The following FSHR variants were observed in gnomAD, a reference collection of about 807,000 sequenced individuals.
FSHR encodes follicle-stimulating hormone receptor.
Under a neutral mutation model 52.1 loss-of-function variants are expected in FSHR, and 46 were observed. That is an observed-to-expected ratio of 0.88 (90% CI 0.70 to 1.13). The LOEUF (loss-of-function observed/expected upper bound fraction) is 1.13, where lower values mean the gene tolerates loss of function less well. FSHR is among the 50% of genes most tolerant of loss of function. FSHR has a pLI of 0.00. For missense variants in FSHR, 964 were observed against 834.6 expected, an observed-to-expected ratio of 1.16 and a Z score of -1.91; for synonymous variants, 399 against 309.6, an observed-to-expected ratio of 1.29 and a Z score of -3.03.
intron 1 of FSHR, among the ~76,000 whole-genome samples, chr2:49,132,562 A>G (rs1672320292): frequency 1.3e-5 from 2 of 152,176 alleles, no homozygotes; most frequent in Admixed American, 6.5e-5. Flanking sequence ...TATTTAGGAC[A>G]TGCATACTGA....
chr2:49,117,242 C>A (rs116863148), intron 1 of FSHR, among the ~76,000 whole-genome samples: 1 of 152,194 alleles, frequency 6.6e-6, no homozygotes, highest in African/African-American at 2.4e-5. Context: ...GACTTCTCAG[C>A]TGCACTTTCC....
rs986073751 is a variant in FSHR at position 49,121,303 on chromosome 2, T to G, written c.152+32963A>C. Among the ~76,000 whole-genome samples, 4 of 152,356 alleles carry G rather than the reference T, an allele frequency of 2.6e-5. No homozygotes were observed. The South Asian group carries it at 6.2e-4, about 24-fold the overall frequency. ...GCAAGTCATTTAACCTCCCTGACCT[T>G]CAGTGTTCTCTTCAGTACAAAATAA... On this transcript the variant is annotated intron_variant, in intron 1 of 9. Coordinates refer to ENST00000406846, the MANE Select transcript of FSHR (RefSeq NM_000145.4).
chr2:48,982,853 T>C (rs1675313992), intron 8 of FSHR, 59 bp downstream of exon 8: 1 of 1,417,634 alleles, frequency 7.1e-7, no homozygotes, highest in African/African-American at 1.4e-5. Context: ...CTGCAGAGAG[T>C]TGACTTCTAA....
chr2:48,963,069 G>A lies in FSHR; in HGVS notation c.1752C>T (p.Cys584=), dbSNP rs768038206. 28 of 1,613,950 alleles carry A rather than the reference G, an allele frequency of 1.7e-5. 1 individual carries two copies. In the Admixed American group the frequency reaches 4.5e-4, roughly 26 times the overall value. The change falls in exon 10 of 10, where the codon TGC becomes TGT. Residue 584 remains cysteine (C), a synonymous_variant. Coordinates refer to ENST00000406846, the MANE Select transcript of FSHR (RefSeq NM_000145.4). ...TGGCAAAGAAAGAAATGGGTGCCAT[G>A]CAGAGGAAGTCAGTGAAGATGAGCA... ...MAMLIFTDFL[C]MAPISFFAIS... is the part of the protein sequence containing the mutation.
intron 4 of FSHR, among the ~76,000 whole-genome samples, chr2:49,012,135 G>T (rs1038300587): frequency 5.9e-5 from 9 of 152,084 alleles, no homozygotes; most frequent in Admixed American, 2.6e-4. Flanking sequence ...TGTGTGAAAG[G>T]TTTGCTAAAA....
intron 2 of FSHR, among the ~76,000 whole-genome samples, chr2:49,066,452 C>T (rs959064858): frequency 4.6e-5 from 7 of 152,038 alleles, no homozygotes; most frequent in African/African-American, 1.7e-4. Context: ...AGCACGGAGA[C>T]TGAGGAATAC....
intron 2 of FSHR, among the ~76,000 whole-genome samples, chr2:49,035,786 A>G (rs1668250423): frequency 6.6e-6 from 1 of 152,190 alleles, no homozygotes; most frequent in East Asian, 1.9e-4. Context: ...ACAGCTTTGC[A>G]TTTAATAAAG....
At chr2:49,084,920 G>T (rs954657760) in intron 1 of FSHR, among the ~76,000 whole-genome samples, 6 of 152,060 alleles carry the variant, frequency 3.9e-5, no homozygotes, top group African/African-American at 1.2e-4. Flanking sequence ...AGAGGTACAA[G>T]GAGGAACTGG....
Position 49,068,255 on chromosome 2 carries a change from T to C in FSHR, c.188A>G (p.Lys63Arg). The change falls in exon 2 of 10, where the codon AAA becomes AGA. Residue 63 changes from lysine to arginine, a missense_variant. By Grantham distance (26) the Lys-to-Arg change is conservative. Transcript: ENST00000406846. ...FVLTKLRVIQ[K>R]GAFSGFGDLE... The stretch of plus-strand genomic sequence containing the variant: ...GTCCCCAAATCCTGAAAATGCACCT[T>C]TTTGGATGACTCGAAGCTTGGTGAG... 4 of 1,611,436 alleles carry C rather than the reference T, an allele frequency of 2.5e-6. No individual in the cohort carries two copies. Among genetic ancestry groups the C allele is most frequent in the Non-Finnish European group, 2.5e-6 (3 of 1,178,652 alleles).
At chr2:49,007,111 C>T (rs1573082642) in intron 4 of FSHR, among the ~76,000 whole-genome samples, 1 of 152,064 alleles carries the variant, frequency 6.6e-6, no homozygotes, top group African/African-American at 2.4e-5. Context: ...AAATGGGGAG[C>T]CACCAGGCCT....
intron 1 of FSHR, among the ~76,000 whole-genome samples, chr2:49,114,755 G>A (rs1421513952): frequency 6.6e-6 from 1 of 152,064 alleles, no homozygotes; most frequent in Non-Finnish European, 1.5e-5. Flanking sequence ...CTCTGCCTTA[G>A]GGAAACTGAG....
In FSHR at chr2:49,112,817, G is replaced by T. The variant is rs139350449; in HGVS notation, c.152+41449C>A. Among the ~76,000 whole-genome samples the T allele has an allele frequency of 2.2e-3, 330 of 152,230 alleles. 1 individual carries two copies. The highest frequency in any genetic ancestry group is 7.4e-3 in the African/African-American group (309 of 41,550). On this transcript the variant is annotated intron_variant, in intron 1 of 9. Coordinates refer to ENST00000406846, the MANE Select transcript of FSHR (RefSeq NM_000145.4). ...TTATTAAGTTTTTAAGTTGCACCAA[G>T]ATATTTTTATGAGCTGGCCATGCTG...
chr2:49,045,961 C>A (rs2104291936), intron 2 of FSHR, among the ~76,000 whole-genome samples: 1 of 152,258 alleles, frequency 6.6e-6, no homozygotes, highest in African/African-American at 2.4e-5. Flanking sequence ...AGATGACAGG[C>A]AACATGGCAC....
chr2:49,009,696 A>G (rs905208702), intron 4 of FSHR, among the ~76,000 whole-genome samples: 38 of 147,922 alleles, frequency 2.6e-4, no homozygotes, highest in African/African-American at 8.7e-4. Flanking sequence ...ATCCTCTTTT[A>G]TTTCCTTGAG....
intron 1 of FSHR, among the ~76,000 whole-genome samples, chr2:49,097,285 T>A (rs1183591018): frequency 6.6e-6 from 1 of 152,216 alleles, no homozygotes; most frequent in Non-Finnish European, 1.5e-5. Flanking sequence ...TGTAGGTGAA[T>A]CTGTGGGTCT....
intron 1 of FSHR, among the ~76,000 whole-genome samples, chr2:49,127,823 CTTCTTCCTCTTCTTCTTCT>C: frequency 2.2e-5 from 1 of 45,086 alleles, no homozygotes; most frequent in South Asian, 1.0e-3. Flanking sequence ...TCTTCTTCTT[CTTCTTCCTCTTCTTCTTCT>C]TCTTCTTCTT....
At chr2:49,089,342 C>T (rs1162250326) in intron 1 of FSHR, among the ~76,000 whole-genome samples, 1 of 152,050 alleles carries the variant, frequency 6.6e-6, no homozygotes, top group Non-Finnish European at 1.5e-5. Flanking sequence ...AGATAAATAA[C>T]TGTTTTGCAT....
intron 1 of FSHR, among the ~76,000 whole-genome samples, chr2:49,142,448 GA>G (rs1193460447): frequency 1.3e-5 from 2 of 152,174 alleles, no homozygotes; most frequent in African/African-American, 4.8e-5. Flanking sequence ...AGGGTGACAG[GA>G]AGAGGTCAAA....
chr2:49,015,557 T>A (rs1194177787), intron 4 of FSHR, among the ~76,000 whole-genome samples: 2 of 152,216 alleles, frequency 1.3e-5, no homozygotes, highest in African/African-American at 4.8e-5. Flanking sequence ...AACTATTGAA[T>A]GATGGAGTCA....
Sources: allele counts gnomAD v4.1 joint callset (sites outside exome capture counted in the v4.1 genomes callset), GRCh38; gene constraint gnomAD v4.1.1; transcripts MANE v1.5; gene names NCBI Gene and HGNC (gene_info 2026-07-23, HGNC 2026-07-21).